The following CNTNAP5 variants were observed in gnomAD, a reference collection of about 807,000 sequenced individuals.
The protein encoded by CNTNAP5 is contactin-associated protein-like 5.
In CNTNAP5, 72 loss-of-function variants were observed where a neutral mutation model predicts 150.2. The ratio of observed to expected loss-of-function variants is 0.48; its 90% CI spans 0.40 to 0.58. CNTNAP5 has a LOEUF of 0.58. CNTNAP5 is among the 20% of genes least tolerant of loss of function. The pLI, the probability that CNTNAP5 is intolerant of heterozygous loss-of-function variation, is 0.00. For synonymous variants in CNTNAP5, 672 were observed against 619.8 expected (o/e 1.08, Z -1.25); for missense variants, 1,636 against 1,626.2 (o/e 1.01, Z -0.10).
At chr2:124,581,965 C>T (rs748296910) in intron 11 of CNTNAP5, among the ~76,000 whole-genome samples, 4 of 152,122 alleles carry the variant, frequency 2.6e-5, no homozygotes, top group African/African-American at 4.8e-5. Flanking sequence ...TTCACAAACA[C>T]GGAGGCAGGG....
At chr2:124,816,300 A>G (rs1412288905) in intron 19 of CNTNAP5, among the ~76,000 whole-genome samples, 1 of 152,084 alleles carries the variant, frequency 6.6e-6, no homozygotes, top group African/African-American at 2.4e-5. Flanking sequence ...TGGTCTCATC[A>G]GAGGCTCCCC....
At chr2:124,564,536 G>A (rs1328157670) in intron 11 of CNTNAP5, among the ~76,000 whole-genome samples, 5 of 151,840 alleles carry the variant, frequency 3.3e-5, no homozygotes, top group Non-Finnish European at 5.9e-5. Context: ...TTGTATTTTT[G>A]GTGGAGATGG....
At chr2:124,503,418 C>T (rs1437819136) in intron 7 of CNTNAP5, among the ~76,000 whole-genome samples, 1 of 152,184 alleles carries the variant, frequency 6.6e-6, no homozygotes, top group African/African-American at 2.4e-5. Flanking sequence ...ATTCAGGTAG[C>T]CATTCAGGTT....
chr2:124,884,158 A>G (rs1432304575), intron 21 of CNTNAP5, among the ~76,000 whole-genome samples: 1 of 151,962 alleles, frequency 6.6e-6, no homozygotes, highest in African/African-American at 2.4e-5. Flanking sequence ...GAATATCTGT[A>G]CATGCATGTC....
At chr2:124,469,494 CAT>C (rs1368971527) in intron 6 of CNTNAP5, among the ~76,000 whole-genome samples, 1 of 151,948 alleles carries the variant, frequency 6.6e-6, no homozygotes, top group African/African-American at 2.4e-5. Flanking sequence ...ATCCAAATAA[CAT>C]ATATTTTTAC....
At chr2:124,902,772 C>A in intron 21 of CNTNAP5, 110 bp from the exon 22 acceptor site, 1 of 698,058 alleles carries the variant, frequency 1.4e-6, no homozygotes, top group Non-Finnish European at 2.3e-6. Context: ...TTTACTCAAA[C>A]AATAACAAGG....
intron 4 of CNTNAP5, among the ~76,000 whole-genome samples, chr2:124,433,664 A>G (rs1692448852): frequency 6.6e-6 from 1 of 152,134 alleles, no homozygotes; most frequent in Non-Finnish European, 1.5e-5. Flanking sequence ...TTCTACAATA[A>G]AAGCTCATTA....
Position 124,899,197 on chromosome 2 carries a change from A to C in CNTNAP5, c.3437-3685A>C, listed in dbSNP as rs528136410. On this transcript the variant is annotated intron_variant, in intron 21 of 23. Transcript: ENST00000682447. ...TACATAAAACACCAAAGCTGCATTA[A>C]TGGTTATTGAGCTATAAATTTGATT... Among the ~76,000 whole-genome samples the C allele has an allele frequency of 2.0e-4, 31 of 151,602 alleles. 1 individual carries two copies. In the South Asian group the frequency reaches 6.4e-3, roughly 31 times the overall value.
intron 3 of CNTNAP5, among the ~76,000 whole-genome samples, chr2:124,389,459 T>C (rs1375154460): frequency 6.6e-6 from 1 of 152,206 alleles, no homozygotes; most frequent in Non-Finnish European, 1.5e-5. Flanking sequence ...CCTTCTAAAA[T>C]ATGTTTTTCC....
At chr2:124,793,837 CAT>C (rs1663965273) in intron 18 of CNTNAP5, among the ~76,000 whole-genome samples, 1 of 152,104 alleles carries the variant, frequency 6.6e-6, no homozygotes, top group African/African-American at 2.4e-5. Context: ...GTACCACTGT[CAT>C]AGTGTTTTAA....
chr2:124,658,271 G>A (rs1678500868), intron 13 of CNTNAP5, among the ~76,000 whole-genome samples: 1 of 152,102 alleles, frequency 6.6e-6, no homozygotes, highest in South Asian at 2.1e-4. Context: ...TCCCAGCTTT[G>A]CCATTGATTC....
intron 4 of CNTNAP5, 72 bp downstream of exon 4, chr2:124,417,662 A>G (rs376318760): frequency 2.2e-6 from 3 of 1,360,312 alleles, no homozygotes; most frequent in South Asian, 1.3e-5. Flanking sequence ...CAGTTTATCT[A>G]CATTGAGATT....
chr2:124,053,951 G>A (rs954469804), intron 1 of CNTNAP5, among the ~76,000 whole-genome samples: 3 of 152,176 alleles, frequency 2.0e-5, no homozygotes, highest in African/African-American at 7.2e-5. Flanking sequence ...GTTGTGGCAG[G>A]CCTTGGAACC....
chr2:124,607,223 C>A (rs2104981109), intron 11 of CNTNAP5, among the ~76,000 whole-genome samples: 1 of 152,240 alleles, frequency 6.6e-6, no homozygotes, highest in Middle Eastern at 3.4e-3. Context: ...CTAGGTGGTT[C>A]TGTCTTGGTC....
chr2:124,396,151 A>T (rs980884822), intron 3 of CNTNAP5, among the ~76,000 whole-genome samples: 1 of 152,240 alleles, frequency 6.6e-6, no homozygotes, highest in Non-Finnish European at 1.5e-5. Flanking sequence ...CAAGCTAAGG[A>T]ACTCCATATG....
chr2:124,887,556 G>T (rs966794216), intron 21 of CNTNAP5, among the ~76,000 whole-genome samples: 5 of 152,040 alleles, frequency 3.3e-5, no homozygotes, highest in Non-Finnish European at 7.4e-5. Context: ...AGCTGTGTAT[G>T]TATGTATTAT....
intron 11 of CNTNAP5, among the ~76,000 whole-genome samples, chr2:124,588,200 C>A (rs1336746895): frequency 2.3e-5 from 3 of 130,250 alleles, no homozygotes; most frequent in Non-Finnish European, 4.9e-5. Flanking sequence ...TTCTTTCTTT[C>A]TTTCTTTCTT....
chr2:124,904,945 A>G (rs1290821466), intron 22 of CNTNAP5, among the ~76,000 whole-genome samples: 1 of 151,262 alleles, frequency 6.6e-6, no homozygotes, highest in Non-Finnish European at 1.5e-5. Context: ...GGAAAAGGCA[A>G]TCTACAGAAT....
intron 13 of CNTNAP5, among the ~76,000 whole-genome samples, chr2:124,665,819 G>C (rs1399268938): frequency 6.6e-6 from 1 of 151,572 alleles, no homozygotes; most frequent in Non-Finnish European, 1.5e-5. Context: ...CCGGGAGGAA[G>C]AGCTTGCAGT....
Sources: gnomAD v4.1 joint callset for allele counts (sites outside exome capture counted in the v4.1 genomes callset) on GRCh38, gnomAD v4.1.1 for gene constraint, MANE v1.5 for transcripts, NCBI Gene and HGNC (gene_info 2026-07-23, HGNC 2026-07-21) for gene names.